Variants in COBL observed in about 807,000 individuals in gnomAD.
COBL encodes the protein cordon-bleu WH2 repeat protein.
COBL carries 51 observed loss-of-function variants against 98.8 expected under a neutral mutation model. That is an observed-to-expected ratio of 0.52 (90% CI 0.41 to 0.65). The LOEUF is 0.65. Ranked by LOEUF, COBL falls within the 30% of genes least tolerant of loss-of-function variation. The pLI, the probability that COBL is intolerant of heterozygous loss-of-function variation, is 0.00. For synonymous variants in COBL, 634 were observed against 651.7 expected, an observed-to-expected ratio of 0.97 and a Z score of 0.41; for missense variants, 1,617 against 1,617.5, an observed-to-expected ratio of 1.00 and a Z score of 0.01.
chr7:51,241,747 G>A (rs1287861321), intron 1 of COBL, among the ~76,000 whole-genome samples: 1 of 152,088 alleles, frequency 6.6e-6, no homozygotes, highest in Non-Finnish European at 1.5e-5. Context: ...GTTTTAAAAA[G>A]GTAACAAAGC....
chr7:51,156,155 CTAAA>C, intron 5 of COBL: 1 of 985,002 alleles, frequency 1.0e-6, no homozygotes, highest in Middle Eastern at 5.2e-4. Context: ...GGATATATCA[CTAAA>C]TGTTGATTTT....
At chr7:51,202,373 T>G (rs1263652722) in intron 2 of COBL, among the ~76,000 whole-genome samples, 1 of 152,214 alleles carries the variant, frequency 6.6e-6, no homozygotes, top group South Asian at 2.1e-4. Flanking sequence ...TATAACAATA[T>G]GGTTACAATT....
At position 51,026,644 on chromosome 7, in the gene COBL, C is replaced by T; in HGVS notation, c.3406G>A (p.Gly1136Ser). ...GTGTAGGACAGTTTCGCTGGCCTGCCCTCCCCGGTGTGTTCTGCCGTCTAG... is the reference window on the plus strand; with the variant it reads ...GTGTAGGACAGTTTCGCTGGCCTGCTCTCCCCGGTGTGTTCTGCCGTCTAG... The part of the protein sequence containing the change: ...LRKTAEHTGE[G>S]RPAKLSYTEA... The change falls in exon 11 of 13, where the codon GGC becomes AGC. Residue 1136 changes from glycine to serine, a missense_variant. Physicochemically the swap from Gly to Ser is moderately conservative, Grantham distance 56. Around this residue, in one of 3 missense-constraint regions of COBL, gnomAD observed 1,304 missense variants for 1,282.0 expected, o/e 1.02. Transcript: ENST00000265136. 6.2e-7 allele frequency: 1 copy of T among 1,614,048 alleles called. No homozygotes were observed. The highest frequency in any genetic ancestry group is 1.7e-5 in the Admixed American group (1 of 60,030).
intron 1 of COBL, among the ~76,000 whole-genome samples, chr7:51,231,783 C>A (rs1456547827): frequency 1.3e-5 from 2 of 152,120 alleles, no homozygotes; most frequent in African/African-American, 2.4e-5. Flanking sequence ...GAGGGTGGGA[C>A]CCCCACACAC....
At chr7:51,207,959 G>T (rs1302273507) in intron 2 of COBL, among the ~76,000 whole-genome samples, 1 of 143,608 alleles carries the variant, frequency 7.0e-6, no homozygotes, top group African/African-American at 2.6e-5. Context: ...GTCTCTGCCT[G>T]GCCGCCATCC....
At chr7:51,031,744 CA>C (rs1483202007) in intron 8 of COBL, 1 of 152,290 alleles carries the variant, frequency 6.6e-6, no homozygotes, top group Non-Finnish European at 1.5e-5. Context: ...TGGTGGGTGA[CA>C]GGGAGCCTGA....
intron 4 of COBL, among the ~76,000 whole-genome samples, chr7:51,190,536 G>T (rs1263048926): frequency 6.6e-6 from 1 of 152,178 alleles, no homozygotes; most frequent in East Asian, 1.9e-4. Context: ...AGATGGTTTG[G>T]AGTAGTTACT....
intron 1 of COBL, among the ~76,000 whole-genome samples, chr7:51,279,544 G>A (rs941559512): frequency 6.6e-6 from 1 of 152,072 alleles, no homozygotes; most frequent in African/African-American, 2.4e-5. Flanking sequence ...TATTCCCTCT[G>A]ACCTTACACA....
intron 5 of COBL, among the ~76,000 whole-genome samples, chr7:51,179,820 C>T (rs938676871): frequency 1.3e-5 from 2 of 152,090 alleles, no homozygotes; most frequent in Admixed American, 1.3e-4. Flanking sequence ...TCATAAAGAT[C>T]GCTAACCCAA....
intron 1 of COBL, among the ~76,000 whole-genome samples, chr7:51,300,357 C>T (rs911453520): frequency 1.3e-5 from 2 of 152,122 alleles, no homozygotes; most frequent in Non-Finnish European, 2.9e-5. Context: ...GATGGGGTTT[C>T]ACCATGTTGG....
chr7:51,135,897 A>C lies in COBL; in HGVS notation c.957+261T>G, dbSNP rs932287804. 2.0e-5 allele frequency among the ~76,000 whole-genome samples: 3 copies of C among 152,212 alleles called. No homozygotes were observed. The South Asian group carries it at 6.2e-4, about 32-fold the overall frequency. On this transcript the variant is annotated intron_variant, in intron 6 of 12. Transcript: ENST00000265136. Reference sequence around the variant, plus strand: ...TTTACAGCTGCATGGTGGATCTGACATATTAGGGTATGTGGGGAGCAGGAC... The same window carrying C: ...TTTACAGCTGCATGGTGGATCTGACCTATTAGGGTATGTGGGGAGCAGGAC...
chr7:51,249,363 C>G (rs558987344), intron 1 of COBL, among the ~76,000 whole-genome samples: 2 of 152,312 alleles, frequency 1.3e-5, no homozygotes, highest in South Asian at 4.1e-4. Flanking sequence ...CTCTCATCAT[C>G]CTTCCCACAG....
intron 5 of COBL, among the ~76,000 whole-genome samples, chr7:51,136,807 T>C (rs1251666181): frequency 6.6e-6 from 1 of 152,174 alleles, no homozygotes; most frequent in African/African-American, 2.4e-5. Flanking sequence ...TTATGTTTCT[T>C]CTAATTTTCA....
intron 1 of COBL, among the ~76,000 whole-genome samples, chr7:51,251,561 T>G (rs976000043): frequency 1.3e-5 from 2 of 152,236 alleles, no homozygotes; most frequent in African/African-American, 4.8e-5. Context: ...TTATCAAGAT[T>G]TAGATCCATA....
chr7:51,231,984 A>G (rs1477027505), intron 1 of COBL, among the ~76,000 whole-genome samples: 3 of 152,172 alleles, frequency 2.0e-5, no homozygotes, highest in Non-Finnish European at 2.9e-5. Context: ...ACCTGAGTGC[A>G]GTAGAGGGTG....
At chr7:51,172,093 G>A (rs1336254636) in intron 5 of COBL, among the ~76,000 whole-genome samples, 1 of 152,218 alleles carries the variant, frequency 6.6e-6, no homozygotes, top group Non-Finnish European at 1.5e-5. Flanking sequence ...TGAACAGAGC[G>A]TAGGCTCAGA....
intron 1 of COBL, among the ~76,000 whole-genome samples, chr7:51,288,972 T>G (rs1359416266): frequency 6.6e-6 from 1 of 151,998 alleles, no homozygotes; most frequent in East Asian, 1.9e-4. Flanking sequence ...CAATATAAAA[T>G]AGTCCTCAGG....
chr7:51,162,506 A>AT (rs1000999347), intron 5 of COBL, among the ~76,000 whole-genome samples: 4 of 152,132 alleles, frequency 2.6e-5, no homozygotes, highest in African/African-American at 7.2e-5. Flanking sequence ...CTACATTAGG[A>AT]TTTTTTTAAT....
intron 7 of COBL, among the ~76,000 whole-genome samples, chr7:51,070,099 A>C (rs1792369304): frequency 6.6e-6 from 1 of 152,226 alleles, no homozygotes; most frequent in African/African-American, 2.4e-5. Context: ...TTAAGGGTAA[A>C]ATCAACACAG....
Sources: allele counts gnomAD v4.1 joint callset (sites outside exome capture counted in the v4.1 genomes callset), GRCh38; gene constraint gnomAD v4.1.1; regional missense constraint gnomAD v4.1.1; transcripts MANE v1.5; gene names NCBI Gene and HGNC (gene_info 2026-07-23, HGNC 2026-07-21).